The following ERBB4 variants were observed in gnomAD, a reference collection of about 807,000 sequenced individuals.
ERBB4 encodes erb-b2 receptor tyrosine kinase 4, also known as receptor tyrosine-protein kinase erbB-4.
In ERBB4, 42 loss-of-function variants were observed where a neutral mutation model predicts 158.0. The observed-to-expected ratio is 0.27, with a 90% CI of 0.21 to 0.34. The LOEUF (loss-of-function observed/expected upper bound fraction) is 0.34, where lower values mean the gene tolerates loss of function less well. Ranked by LOEUF, ERBB4 falls within the 10% of genes least tolerant of loss-of-function variation. ERBB4 has a pLI of 1.00. For missense variants in ERBB4, 1,333 were observed against 1,624.1 expected (o/e 0.82, Z 3.08); for synonymous variants, 583 against 558.7 (o/e 1.04, Z -0.61).
chr2:212,223,430 T>A (rs200590910), intron 1 of ERBB4, among the ~76,000 whole-genome samples: 62,947 of 137,656 alleles, frequency 0.46, 14,141 homozygotes, highest in East Asian at 0.75. Flanking sequence ...TATATATATT[T>A]TTTTTATTTA....
intron 4 of ERBB4, among the ~76,000 whole-genome samples, chr2:211,755,781 C>A (rs554422522): frequency 1.3e-5 from 2 of 152,194 alleles, no homozygotes; most frequent in South Asian, 4.1e-4. Flanking sequence ...TGTGTGACCA[C>A]CTGCATGTGG....
intron 3 of ERBB4, among the ~76,000 whole-genome samples, chr2:211,919,283 TG>T: frequency 6.6e-6 from 1 of 152,022 alleles, no homozygotes; most frequent in Non-Finnish European, 1.5e-5. Context: ...AGGTTAAATT[TG>T]GGAGAAAGTG....
At chr2:211,637,198 T>C (rs1340376338) in intron 16 of ERBB4, among the ~76,000 whole-genome samples, 1 of 151,948 alleles carries the variant, frequency 6.6e-6, no homozygotes, top group Non-Finnish European at 1.5e-5. Flanking sequence ...GACAAATGTA[T>C]GCTCAGGGGT....
In ERBB4 at chr2:211,724,347, TC is replaced by T. The variant is rs1460450052; in HGVS notation, c.741+728del. Among the ~76,000 whole-genome samples, 31 of 148,648 alleles carry T rather than the reference TC, an allele frequency of 2.1e-4. 1 individual carries two copies. The highest frequency in any genetic ancestry group is 1.7e-3 in the Admixed American group (26 of 14,946). ...GCTCATTGCTGGAATTAAGTGTCTT[TC>T]TTTTTTTTTTTTTAAAAAAAGCTCA... On this transcript the variant is annotated intron_variant, in intron 6 of 27. Transcript: ENST00000342788.
intron 3 of ERBB4, among the ~76,000 whole-genome samples, chr2:211,922,072 A>T (rs1171223883): frequency 6.6e-6 from 1 of 152,086 alleles, no homozygotes; most frequent in African/African-American, 2.4e-5. Flanking sequence ...TTTATAAAAA[A>T]CTTAGACTAA....
At chr2:211,642,204 T>TA (rs2070621190) in intron 16 of ERBB4, among the ~76,000 whole-genome samples, 1 of 152,174 alleles carries the variant, frequency 6.6e-6, no homozygotes, top group South Asian at 2.1e-4. Flanking sequence ...ATCACATTTT[T>TA]AGTCTCTGTC....
intron 2 of ERBB4, among the ~76,000 whole-genome samples, chr2:212,018,663 T>G (rs957321221): frequency 6.6e-6 from 1 of 152,182 alleles, no homozygotes; most frequent in Non-Finnish European, 1.5e-5. Flanking sequence ...ATAGGGTTCA[T>G]AGAACACATT....
At chr2:211,719,514 C>T (rs1407425104) in intron 7 of ERBB4, among the ~76,000 whole-genome samples, 1 of 152,074 alleles carries the variant, frequency 6.6e-6, no homozygotes. Flanking sequence ...CTTTTGAAAA[C>T]CTTCCCACAC....
intron 16 of ERBB4, among the ~76,000 whole-genome samples, chr2:211,656,178 G>T (rs1434752104): frequency 6.6e-6 from 1 of 152,208 alleles, no homozygotes; most frequent in African/African-American, 2.4e-5. Context: ...GAGGTACAAG[G>T]TAGCTTCCAG....
chr2:211,534,446 C>T (rs1317352312), intron 20 of ERBB4, among the ~76,000 whole-genome samples: 1 of 152,036 alleles, frequency 6.6e-6, no homozygotes, highest in Non-Finnish European at 1.5e-5. Flanking sequence ...GCAAATTGTC[C>T]ACACAAAATT....
chr2:211,555,259 C>T (rs1336158443), intron 20 of ERBB4, among the ~76,000 whole-genome samples: 1 of 152,022 alleles, frequency 6.6e-6, no homozygotes, highest in Non-Finnish European at 1.5e-5. Flanking sequence ...GATCTCGGCT[C>T]ACCGCAACCT....
At chr2:211,772,828 TATATATACAC>T (rs1310208011) in intron 4 of ERBB4, among the ~76,000 whole-genome samples, 11 of 12,190 alleles carry the variant, frequency 9.0e-4, no homozygotes, top group South Asian at 2.7e-3. Flanking sequence ...TATATATATA[TATATATACAC>T]ATATATATAT....
chr2:211,470,786 C>T (rs756025921), intron 20 of ERBB4, among the ~76,000 whole-genome samples: 20 of 152,188 alleles, frequency 1.3e-4, no homozygotes, highest in Non-Finnish European at 2.2e-4. Flanking sequence ...TTTTAAGCAA[C>T]GAGATTCTAA....
intron 1 of ERBB4, among the ~76,000 whole-genome samples, chr2:212,290,353 TTG>T: frequency 6.6e-6 from 1 of 152,250 alleles, no homozygotes; most frequent in Admixed American, 6.5e-5. Flanking sequence ...GTACATAGCA[TTG>T]TGTGATATAT....
intron 4 of ERBB4, among the ~76,000 whole-genome samples, chr2:211,780,186 A>T (rs1443293159): frequency 6.6e-6 from 1 of 151,952 alleles, no homozygotes; most frequent in Non-Finnish European, 1.5e-5. Flanking sequence ...ACGTAGGGAG[A>T]GCCTGTCTCT....
At chr2:211,625,770 T>C (rs1385086720) in intron 17 of ERBB4, among the ~76,000 whole-genome samples, 1 of 152,178 alleles carries the variant, frequency 6.6e-6, no homozygotes, top group Non-Finnish European at 1.5e-5. Flanking sequence ...TTAAAAATCA[T>C]ATACAAAAGT....
At chr2:211,853,659 C>T (rs1286645075) in intron 3 of ERBB4, among the ~76,000 whole-genome samples, 1 of 152,006 alleles carries the variant, frequency 6.6e-6, no homozygotes, top group Non-Finnish European at 1.5e-5. Context: ...ACAAGCATTC[C>T]CAAATGATTC....
intron 20 of ERBB4, among the ~76,000 whole-genome samples, chr2:211,499,824 G>A (rs2065572114): frequency 6.6e-6 from 1 of 152,106 alleles, no homozygotes; most frequent in South Asian, 2.1e-4. Context: ...AGGTGGTGCA[G>A]TTATAAACTT....
At chr2:211,432,255 A>G (rs1268104476) in intron 20 of ERBB4, among the ~76,000 whole-genome samples, 1 of 152,242 alleles carries the variant, frequency 6.6e-6, no homozygotes, top group Non-Finnish European at 1.5e-5. Context: ...TTCTAATATC[A>G]AAACAAAAGC....
Sources: gnomAD v4.1 joint callset for allele counts (sites outside exome capture counted in the v4.1 genomes callset) on GRCh38, gnomAD v4.1.1 for gene constraint, MANE v1.5 for transcripts, NCBI Gene and HGNC (gene_info 2026-07-23, HGNC 2026-07-21) for gene names.